MCU: variants seen among roughly 807,000 people sequenced by gnomAD.
The protein encoded by MCU is calcium uniporter protein, mitochondrial.
MCU carries 12 observed loss-of-function variants against 45.2 expected under a neutral mutation model. The observed-to-expected ratio is 0.27, with a 90% CI of 0.17 to 0.43. MCU has a LOEUF of 0.43. Among genes scored for constraint, MCU ranks in the 20% least tolerant of loss-of-function variants. The pLI, the probability that MCU is intolerant of heterozygous loss-of-function variation, is 1.00. For synonymous variants in MCU, 160 were observed against 165.1 expected, an observed-to-expected ratio of 0.97 and a Z score of 0.24; for missense variants, 324 against 436.7, an observed-to-expected ratio of 0.74 and a Z score of 2.30.
chr10:72,805,855 C>A (rs1844440566), intron 1 of MCU, among the ~76,000 whole-genome samples: 1 of 152,088 alleles, frequency 6.6e-6, no homozygotes, highest in African/African-American at 2.4e-5. Flanking sequence ...TTCATAAGCA[C>A]TTAGAAGAGA....
At chr10:72,710,039 G>A (rs1408052289) in intron 1 of MCU, among the ~76,000 whole-genome samples, 4 of 152,136 alleles carry the variant, frequency 2.6e-5, no homozygotes, top group African/African-American at 4.8e-5. Context: ...GCAGTGGTGC[G>A]ATCTCAGGTC....
At chr10:72,744,666 G>A (rs1420210943) in intron 1 of MCU, among the ~76,000 whole-genome samples, 3 of 152,142 alleles carry the variant, frequency 2.0e-5, no homozygotes, top group Admixed American at 2.0e-4. Flanking sequence ...AATGCCAACT[G>A]GTCACAGCTT....
intron 5 of MCU, among the ~76,000 whole-genome samples, chr10:72,870,736 C>T (rs746107153): frequency 3.9e-5 from 6 of 152,114 alleles, no homozygotes; most frequent in African/African-American, 9.7e-5. Flanking sequence ...TAGATTAAAT[C>T]GTGTATGCAA....
At chr10:72,884,976 T>A (rs1213953756) in intron 7 of MCU, among the ~76,000 whole-genome samples, 1 of 152,248 alleles carries the variant, frequency 6.6e-6, no homozygotes, top group African/African-American at 2.4e-5. Flanking sequence ...CTCTGTAGTC[T>A]TTGTGACTTT....
intron 1 of MCU, among the ~76,000 whole-genome samples, chr10:72,789,474 A>G (rs922415602): frequency 3.9e-5 from 6 of 152,132 alleles, no homozygotes; most frequent in Admixed American, 6.5e-5. Flanking sequence ...AGAATTTATA[A>G]TGCTAGCTTT....
At chr10:72,820,893 G>A (rs748479213) in intron 1 of MCU, among the ~76,000 whole-genome samples, 3 of 151,514 alleles carry the variant, frequency 2.0e-5, no homozygotes, top group African/African-American at 2.4e-5. Context: ...CTTTCCATAC[G>A]TGTTCCGTTT....
At chr10:72,735,116 A>ATTTTT (rs11443574) in intron 1 of MCU, among the ~76,000 whole-genome samples, 1 of 146,590 alleles carries the variant, frequency 6.8e-6, no homozygotes. Flanking sequence ...ATGTATCAGA[A>ATTTTT]TTTTTTTTTT....
intron 1 of MCU, among the ~76,000 whole-genome samples, chr10:72,714,120 C>T (rs1300593275): frequency 6.6e-6 from 1 of 151,646 alleles, no homozygotes; most frequent in African/African-American, 2.4e-5. Flanking sequence ...GTGTGCTCTA[C>T]CACACCTGGC....
intron 1 of MCU, among the ~76,000 whole-genome samples, chr10:72,740,158 G>T (rs1843306788): frequency 6.6e-6 from 1 of 151,664 alleles, no homozygotes; most frequent in Non-Finnish European, 1.5e-5. Flanking sequence ...GCGGTGGGCG[G>T]ATCACAAGGT....
In MCU at chr10:72,712,009, G is replaced by C. The variant is rs367669725; in HGVS notation, c.150+19708G>C. ...TTACAGGCATGAGCCACCGCACCCT[G>C]CCCAAGACTGTGTTTCTTAAAAAAA... is the stretch of plus-strand genomic sequence containing the variant. On this transcript the variant is annotated intron_variant, in intron 1 of 7. Transcript: ENST00000373053. Among the ~76,000 whole-genome samples, 3 of 150,550 alleles carry C rather than the reference G, an allele frequency of 2.0e-5. No individual in the cohort carries two copies. In the South Asian group the frequency reaches 6.3e-4, roughly 31 times the overall value.
intron 6 of MCU, among the ~76,000 whole-genome samples, chr10:72,879,790 A>G (rs942294027): frequency 6.6e-6 from 1 of 152,244 alleles, no homozygotes; most frequent in African/African-American, 2.4e-5. Context: ...TCATGCCTGT[A>G]ATCCCAGCAC....
At chr10:72,844,086 C>A (rs148788296) in intron 2 of MCU, among the ~76,000 whole-genome samples, 215 of 152,174 alleles carry the variant, frequency 1.4e-3, no homozygotes, top group Admixed American at 5.1e-3. Flanking sequence ...ACCATCTCTA[C>A]TAAAAATACA....
At chr10:72,778,369 T>G (rs1375826353) in intron 1 of MCU, among the ~76,000 whole-genome samples, 1 of 152,142 alleles carries the variant, frequency 6.6e-6, no homozygotes, top group Admixed American at 6.5e-5. Context: ...ATCCTGTCAT[T>G]TGCAGCAACA....
intron 1 of MCU, among the ~76,000 whole-genome samples, chr10:72,719,764 CTTAG>C (rs964847523): frequency 5.8e-4 from 88 of 152,294 alleles, no homozygotes; most frequent in Non-Finnish European, 1.3e-4. Context: ...ATTATATTCT[CTTAG>C]TTATTTTAAA....
At chr10:72,775,211 G>A (rs1041107177) in intron 1 of MCU, among the ~76,000 whole-genome samples, 3 of 151,980 alleles carry the variant, frequency 2.0e-5, no homozygotes, top group African/African-American at 7.2e-5. Flanking sequence ...CTGACCACAC[G>A]GAATAAAACT....
chr10:72,866,751 C>T (rs567940466), intron 4 of MCU, among the ~76,000 whole-genome samples: 14 of 152,038 alleles, frequency 9.2e-5, no homozygotes, highest in Non-Finnish European at 1.6e-4. Context: ...TAAAATAGTT[C>T]ATGAAAGGGG....
At chr10:72,855,326 C>G (rs991135821) in intron 2 of MCU, among the ~76,000 whole-genome samples, 1 of 152,074 alleles carries the variant, frequency 6.6e-6, no homozygotes, top group African/African-American at 2.4e-5. Context: ...TACTGTAATT[C>G]CAGCACTTTG....
intron 6 of MCU, among the ~76,000 whole-genome samples, chr10:72,878,111 CTTTTTTT>C (rs10715401): frequency 9.5e-4 from 74 of 77,952 alleles, no homozygotes; most frequent in Middle Eastern, 0.012. Context: ...AATAATTTTG[CTTTTTTT>C]TTTTTTTTTT....
intron 6 of MCU, 108 bp downstream of exon 6, chr10:72,871,688 C>G: frequency 1.2e-6 from 1 of 851,754 alleles, no homozygotes. Flanking sequence ...AAGTACTCAT[C>G]CTTTACACAT....
Sources: allele counts gnomAD v4.1 joint callset (sites outside exome capture counted in the v4.1 genomes callset), GRCh38; gene constraint gnomAD v4.1.1; transcripts MANE v1.5; gene names NCBI Gene and HGNC (gene_info 2026-07-23, HGNC 2026-07-21).